NUP88: variants seen among roughly 807,000 people sequenced by gnomAD.
NUP88 encodes nuclear pore complex protein Nup88.
Under a neutral mutation model 93.9 loss-of-function variants are expected in NUP88, and 57 were observed. The ratio of observed to expected loss-of-function variants is 0.61; its 90% CI spans 0.49 to 0.76. The LOEUF is 0.76. NUP88 is among the 30% of genes least tolerant of loss of function. The pLI, the probability that NUP88 is intolerant of heterozygous loss-of-function variation, is 0.00. For synonymous variants in NUP88, 346 were observed against 336.8 expected, an observed-to-expected ratio of 1.03 and a Z score of -0.30; for missense variants, 911 against 901.0, an observed-to-expected ratio of 1.01 and a Z score of -0.14.
intron 7 of NUP88, among the ~76,000 whole-genome samples, chr17:5,399,873 T>C (rs900801502): frequency 3.9e-5 from 6 of 152,138 alleles, no homozygotes; most frequent in African/African-American, 1.4e-4. Flanking sequence ...GTGGGTTTGG[T>C]TCCAGACCAT....
At chr17:5,389,061 A>C in intron 10 of NUP88, 101 bp from the exon 11 acceptor site, 2 of 903,700 alleles carry the variant, frequency 2.2e-6, no homozygotes, top group South Asian at 4.6e-5. Flanking sequence ...AATATAAAAT[A>C]AAGTGTAACT....
intron 7 of NUP88, 37 bp from the exon 8 acceptor site, chr17:5,399,687 G>GT: frequency 1.7e-6 from 2 of 1,160,192 alleles, no homozygotes; most frequent in Non-Finnish European, 2.5e-6. Context: ...AAGGTAGCCA[G>GT]TGGATAACTA....
chr17:5,386,153 G>GTT lies in NUP88; in HGVS notation c.*52_*53insAA. ...ATAATTCTACCTGTTTTACAATATG[G>GTT]GTTTAAGCCTTCAATGGTGTTCAGT... is the stretch of plus-strand genomic sequence containing the variant. On this transcript the variant is annotated 3_prime_UTR_variant, in exon 17 of 17. Coordinates refer to ENST00000573584, the MANE Select transcript of NUP88 (RefSeq NM_002532.6). 1.5e-6 allele frequency: 2 copies of GTT among 1,350,546 alleles called. No individual in the cohort carries two copies. Among genetic ancestry groups the GTT allele is most frequent in the South Asian group, 2.5e-5 (2 of 79,118 alleles). 83.7% of individuals were successfully genotyped at this position (1,350,546 alleles called of 1,614,324 possible).
rs748944050 is a variant in NUP88, at chr17:5,408,750, G to A, written c.840C>T (p.Tyr280=). 5.6e-6 allele frequency: 9 copies of A among 1,607,024 alleles called. No individual in the cohort carries two copies. In the East Asian group the frequency reaches 1.1e-4, roughly 20 times the overall value. Reference sequence around the variant, plus strand: ...CAACTTACCTGTGTAACAGACTGATGTATGTCAGGAAAGTCTCTCCATTTT... The same window carrying A: ...CAACTTACCTGTGTAACAGACTGATATATGTCAGGAAAGTCTCTCCATTTT... ...LYENGETFLT[Y]ISLLHSPGNI... The change falls in exon 5 of 17, where the codon TAC becomes TAT. Residue 280 remains tyrosine (Y), a synonymous_variant. Transcript: ENST00000573584.
At chr17:5,407,781 C>T (rs911914084) in intron 5 of NUP88, among the ~76,000 whole-genome samples, 1 of 152,214 alleles carries the variant, frequency 6.6e-6, no homozygotes, top group Non-Finnish European at 1.5e-5. Context: ...CTTATCCAAA[C>T]AGTAACTAAG....
Position 5,399,128 on chromosome 17 carries a change from T to C in NUP88, c.1291+424A>G, listed in dbSNP as rs139132791. 6.0e-3 allele frequency among the ~76,000 whole-genome samples: 914 copies of C among 151,402 alleles called. 5 individuals carry two copies. The highest frequency in any genetic ancestry group is 9.8e-3 in the Admixed American group (149 of 15,218). ...GGATGGTCTCAATCTCCTGATTTTG[T>C]GATCCACCCACCTCGGCCTCCCAAA... On this transcript the variant is annotated intron_variant, in intron 8 of 16. Transcript: ENST00000573584.
chr17:5,411,330 G>C (rs557255031), intron 3 of NUP88, among the ~76,000 whole-genome samples: 14 of 152,126 alleles, frequency 9.2e-5, no homozygotes, highest in Admixed American at 3.3e-4. Context: ...TTGGGAGGCC[G>C]AGGTGAGCAG....
At chr17:5,416,262 A>G (rs1023500510) in intron 2 of NUP88, among the ~76,000 whole-genome samples, 2 of 151,440 alleles carry the variant, frequency 1.3e-5, no homozygotes, top group Non-Finnish European at 2.9e-5. Flanking sequence ...GGTTTTACAA[A>G]ATCTTACTTC....
chr17:5,416,144 C>CAAA (rs1206275413), intron 2 of NUP88, among the ~76,000 whole-genome samples: 8 of 72,640 alleles, frequency 1.1e-4, no homozygotes, highest in Non-Finnish European at 1.6e-4. Context: ...GACTCCATCT[C>CAAA]AAAAAAAAAA....
Position 5,394,880 on chromosome 17 carries a change from AGAGTCCTTACCTGCAGGG to A in NUP88, c.1375_1382+10del. 1 of 1,579,990 alleles carries A rather than the reference AGAGTCCTTACCTGCAGGG, an allele frequency of 6.3e-7. No individual in the cohort carries two copies. The highest frequency in any genetic ancestry group is 8.7e-7 in the Non-Finnish European group (1 of 1,149,070). On this transcript the variant is annotated splice_donor_variant and splice_donor_5th_base_variant and coding_sequence_variant and intron_variant, in exon 9 of 17. Coordinates refer to ENST00000573584, the MANE Select transcript of NUP88 (RefSeq NM_002532.6). LOFTEE classifies it high-confidence loss of function. ...TTGTTTTCTGATATACAAGGGAGGGAGAGTCCTTACCTGCAGGGCAATGGCTTCGTACAAAGGATGTGT... is the reference window on the plus strand; with the variant it reads ...TTGTTTTCTGATATACAAGGGAGGGACAATGGCTTCGTACAAAGGATGTGT...
chr17:5,417,660 G>GA lies in NUP88; in HGVS notation c.298-979dup, dbSNP rs376232963. Among the ~76,000 whole-genome samples, 146 of 152,190 alleles carry GA rather than the reference G, an allele frequency of 9.6e-4. 1 individual carries two copies. The highest frequency in any genetic ancestry group is 3.4e-3 in the African/African-American group (141 of 41,544). ...TCCAGATCAGCCTGGTTAACATGGT[G>GA]AAACCCCGTCTCCACTAAAAATACA... On this transcript the variant is annotated intron_variant, in intron 1 of 16. Coordinates refer to ENST00000573584, the MANE Select transcript of NUP88 (RefSeq NM_002532.6).
intron 5 of NUP88, 112 bp downstream of exon 5, chr17:5,408,621 G>T: frequency 1.3e-6 from 1 of 755,678 alleles, no homozygotes; most frequent in Non-Finnish European, 2.1e-6. Flanking sequence ...AGCATGTGAA[G>T]GCTGCAACAT....
chr17:5,403,530 G>A (rs1351989560), intron 7 of NUP88, among the ~76,000 whole-genome samples: 3 of 151,970 alleles, frequency 2.0e-5, no homozygotes, highest in Admixed American at 2.0e-4. Context: ...GCATGGTGGT[G>A]GGTACCTGCA....
At chr17:5,402,261 C>T (rs558735353) in intron 7 of NUP88, among the ~76,000 whole-genome samples, 108 of 151,790 alleles carry the variant, frequency 7.1e-4, no homozygotes, top group African/African-American at 2.4e-3. Flanking sequence ...GAGCCAAGAT[C>T]GTGCCATTGC....
chr17:5,391,749 A>C, intron 9 of NUP88, 87 bp from the exon 10 acceptor site: 11 of 1,084,954 alleles, frequency 1.0e-5, no homozygotes, highest in Non-Finnish European at 1.4e-5. Flanking sequence ...CGGCCTTCTC[A>C]GGCCTGGGCT....
At chr17:5,416,413 T>C (rs1914153557) in intron 2 of NUP88, 100 bp downstream of exon 2, 2 of 749,860 alleles carry the variant, frequency 2.7e-6, no homozygotes, top group Non-Finnish European at 4.1e-6. Flanking sequence ...AGTGTTTTAA[T>C]GTTTTAAGAG....
intron 8 of NUP88, among the ~76,000 whole-genome samples, chr17:5,398,875 G>C (rs1912958448): frequency 7.0e-6 from 1 of 142,840 alleles, no homozygotes; most frequent in African/African-American, 2.6e-5. Flanking sequence ...AAAGGCATGA[G>C]CCACTGCACC....
intron 1 of NUP88, chr17:5,418,228 T>TA (rs1431651584): frequency 6.6e-6 from 1 of 152,194 alleles, no homozygotes; most frequent in Non-Finnish European, 1.5e-5. Context: ...AGAATGTTAT[T>TA]AGAATACTGC....
chr17:5,417,430 T>C (rs1276172486), intron 1 of NUP88, among the ~76,000 whole-genome samples: 1 of 152,146 alleles, frequency 6.6e-6, no homozygotes, highest in Non-Finnish European at 1.5e-5. Flanking sequence ...ATCACACCAC[T>C]GCACTCCAGC....
Sources: allele counts gnomAD v4.1 joint callset (sites outside exome capture counted in the v4.1 genomes callset), GRCh38; gene constraint gnomAD v4.1.1; transcripts MANE v1.5; gene names NCBI Gene and HGNC (gene_info 2026-07-23, HGNC 2026-07-21).